TTLL12: variants seen among roughly 807,000 people sequenced by gnomAD.
The protein encoded by TTLL12 is tubulin tyrosine ligase like 12.
TTLL12 carries 77 observed loss-of-function variants against 79.6 expected under a neutral mutation model. The observed-to-expected ratio is 0.97, with a 90% CI of 0.81 to 1.17. TTLL12 has a LOEUF of 1.17. TTLL12 is among the 50% of genes most tolerant of loss of function. The probability of loss-of-function intolerance (pLI) is 0.00; values close to 1 mark genes in which losing one functional copy is unlikely to be tolerated. For synonymous variants in TTLL12, 437 were observed against 376.1 expected, an observed-to-expected ratio of 1.16 and a Z score of -1.87; for missense variants, 969 against 895.9, an observed-to-expected ratio of 1.08 and a Z score of -1.04.
In TTLL12 at chr22:43,185,275, A is replaced by C. The variant is rs923401200; in HGVS notation, c.177+1618T>G. Among the ~76,000 whole-genome samples, 132 of 23,396 alleles carry C rather than the reference A, an allele frequency of 5.6e-3. 34 individuals carry two copies. Among genetic ancestry groups the C allele is most frequent in the Non-Finnish European group, 0.016 (96 of 6,088 alleles). The allele number at this position is 23,396 out of a possible 152,430, so 15.3% of individuals were successfully genotyped here. A position where few individuals can be genotyped will look rare whatever the true frequency, so the allele number is the denominator to read the frequency against. On this transcript the variant is annotated intron_variant, in intron 1 of 13. Coordinates refer to ENST00000216129, the MANE Select transcript of TTLL12 (RefSeq NM_015140.4). ...TATATATATATATATATATATATATATATATATATATATATATATATATAT... is the reference window on the plus strand; with the variant it reads ...TATATATATATATATATATATATATCTATATATATATATATATATATATAT...
At chr22:43,173,860 G>A in intron 8 of TTLL12, 34 bp from the exon 9 acceptor site, 1 of 1,577,540 alleles carries the variant, frequency 6.3e-7, no homozygotes, top group Non-Finnish European at 8.6e-7. Flanking sequence ...GGGGGCGCCT[G>A]GGGCCTGTGT....
intron 11 of TTLL12, chr22:43,170,385 G>T (rs538024591): frequency 7.6e-4 from 129 of 170,750 alleles, no homozygotes; most frequent in Middle Eastern, 2.7e-3. Context: ...AGTCACCAGT[G>T]CATGGCAGGG....
chr22:43,176,490 G>C, intron 5 of TTLL12, 94 bp from the exon 6 acceptor site: 1 of 1,031,156 alleles, frequency 9.7e-7, no homozygotes. Context: ...AGCACTTTGA[G>C]AGGGTGAGGC....
At chr22:43,172,624 C>T (rs1300285739) in intron 9 of TTLL12, 70 bp from the exon 10 acceptor site, 1 of 1,576,808 alleles carries the variant, frequency 6.3e-7, no homozygotes, top group Non-Finnish European at 8.7e-7. Flanking sequence ...GCACACAAAG[C>T]CACGCAGGGG....
intron 1 of TTLL12, among the ~76,000 whole-genome samples, chr22:43,185,059 C>T (rs2146626750): frequency 6.6e-6 from 1 of 151,844 alleles, no homozygotes; most frequent in East Asian, 1.9e-4. Context: ...GAAGCCCCAT[C>T]TCTACTAAAA....
At chr22:43,180,299 G>A (rs1200405002) in intron 3 of TTLL12, among the ~76,000 whole-genome samples, 1 of 152,174 alleles carries the variant, frequency 6.6e-6, no homozygotes, top group East Asian at 1.9e-4. Context: ...TAATGGGGGG[G>A]TCGGGGGAGT....
rs1470002077 is a variant in TTLL12 at position 43,168,834 on chromosome 22, G to T, written c.1723C>A (p.Pro575Thr). 1.9e-6 allele frequency: 3 copies of T among 1,599,630 alleles called. No individual in the cohort carries two copies. Among genetic ancestry groups the T allele is most frequent in the Non-Finnish European group, 2.6e-6 (3 of 1,173,654 alleles). ...ACGGCATACATGGCCCGGGATGAGGGGTAGTCGCAGAGGCCCAGGGGTGGT... is the reference window on the plus strand; with the variant it reads ...ACGGCATACATGGCCCGGGATGAGGTGTAGTCGCAGAGGCCCAGGGGTGGT... ...KPPPLGLCDYPSSRAMYAVDL... is the reference protein window; with the variant it reads ...KPPPLGLCDYTSSRAMYAVDL... The change falls in exon 13 of 14, where the codon CCC becomes ACC. Residue 575 changes from proline to threonine, a missense_variant. Physicochemically the swap from Pro to Thr is conservative, Grantham distance 38. Transcript: ENST00000216129.
rs886996040 is a variant in TTLL12 at position 43,172,659 on chromosome 22, C to T, written c.1342-105G>A. The T allele has an allele frequency of 3.2e-6, 4 of 1,252,762 alleles. No individual in the cohort carries two copies. The African/African-American group carries it at 4.5e-5, about 14-fold the overall frequency. 77.6% of individuals were successfully genotyped at this position (1,252,762 alleles called of 1,614,324 possible). ...GGCACAGACATGGCTGCACTTTACT[C>T]CTCCTTCTGCCTTTTCAAACCTGCC... On this transcript the variant is annotated intron_variant, in intron 9 of 13. Coordinates refer to ENST00000216129, the MANE Select transcript of TTLL12 (RefSeq NM_015140.4).
intron 2 of TTLL12, among the ~76,000 whole-genome samples, chr22:43,182,569 T>C (rs1569487125): frequency 6.6e-6 from 1 of 152,186 alleles, no homozygotes; most frequent in Non-Finnish European, 1.5e-5. Context: ...CCAGGCCTGC[T>C]CTGGGTCTCA....
In TTLL12 at chr22:43,168,728, G is replaced by A; in HGVS notation, c.1783+46C>T. The A allele has an allele frequency of 1.9e-6, 3 of 1,543,716 alleles. No homozygotes were observed. The South Asian group carries it at 3.6e-5, about 18-fold the overall frequency. ...CTCCAGGCTGTGGCTGGCTGGCGGAGGGGGCGCCTGCTGGTTTGGATCAGG... is the reference window on the plus strand; with the variant it reads ...CTCCAGGCTGTGGCTGGCTGGCGGAAGGGGCGCCTGCTGGTTTGGATCAGG... On this transcript the variant is annotated intron_variant, in intron 13 of 13. Coordinates refer to ENST00000216129, the MANE Select transcript of TTLL12 (RefSeq NM_015140.4).
chr22:43,179,633 CG>C lies in TTLL12; in HGVS notation c.825del (p.Ala276ProfsTer81), dbSNP rs1424302434. The C allele has an allele frequency of 1.8e-5, 28 of 1,582,610 alleles. No individual in the cohort carries two copies. The highest frequency in any genetic ancestry group is 3.6e-5 in the Admixed American group (2 of 54,822). On this transcript the variant is annotated frameshift_variant, in exon 5 of 14. Transcript: ENST00000216129. LOFTEE classifies it high-confidence loss of function. ...LDLSSCTPEP[P>X]AEHYQAILEE... ...GAGGGCTGCACCTGGTAGTGCTCGGCGGGCGGCTCGGGTGTGCAAGAGCTGA... is the reference window on the plus strand; with the variant it reads ...GAGGGCTGCACCTGGTAGTGCTCGGCGGCGGCTCGGGTGTGCAAGAGCTGA...
rs767459538 is a variant in TTLL12 at position 43,176,355 on chromosome 22, G to A, written c.882C>T (p.Ile294=). 7.5e-6 allele frequency: 12 copies of A among 1,605,088 alleles called. No individual in the cohort carries two copies. In the African/African-American group the frequency reaches 1.6e-4, roughly 21 times the overall value. Residue 294 remains isoleucine (I), a synonymous_variant, in exon 6 of 14, where the codon ATC becomes ATT. Transcript: ENST00000216129. ...GGCCGTGGGGGTGCACCACGGGGTT[G>A]ATGTCAAGTGGCAGCTTCTCCTTGT... is the stretch of plus-strand genomic sequence containing the variant. ...EENKEKLPLD[I]NPVVHPHGHI...
intron 9 of TTLL12, 140 bp from the exon 10 acceptor site, chr22:43,172,694 G>T: frequency 1.1e-6 from 1 of 876,330 alleles, no homozygotes; most frequent in Non-Finnish European, 1.7e-6. Flanking sequence ...CTAAGTTGCT[G>T]CAAAGTCTTT....
Position 43,168,784 on chromosome 22 carries a change from G to A in TTLL12, c.1773C>T (p.Asn591=), listed in dbSNP as rs34490661. ...GGGAGCCCCTCTTACCATCTGGGCC[G>A]TTGTCCCACTTCAGCATGAGGTCGA... ...YAVDLMLKWD[N]GPDGRRVMQP... is the part of the protein sequence containing the mutation. Residue 591 remains asparagine (N), a synonymous_variant, in exon 13 of 14, where the codon AAC becomes AAT. Coordinates refer to ENST00000216129, the MANE Select transcript of TTLL12 (RefSeq NM_015140.4). The A allele has an allele frequency of 2.6e-5, 40 of 1,560,822 alleles. 1 individual carries two copies. Among genetic ancestry groups the A allele is most frequent in the South Asian group, 1.3e-4 (11 of 84,832 alleles).
Position 43,180,750 on chromosome 22 carries a change from C to T in TTLL12, c.538G>A (p.Ala180Thr). ...CCCAGCTACCCACTCACCCCATGGGCCAGCTGGTAGGTCTGGTTGAACTTC... is the reference window on the plus strand; with the variant it reads ...CCCAGCTACCCACTCACCCCATGGGTCAGCTGGTAGGTCTGGTTGAACTTC... Reference protein sequence around the residue: ...MWKFNQTYQLAHGTAEEKMPV... With the variant: ...MWKFNQTYQLTHGTAEEKMPV... Residue 180 changes from alanine (A) to threonine (T), a missense_variant, in exon 3 of 14, where the codon GCC becomes ACC. Coordinates refer to ENST00000216129, the MANE Select transcript of TTLL12 (RefSeq NM_015140.4). 6.2e-7 allele frequency: 1 copy of T among 1,613,002 alleles called. No homozygotes were observed. The highest frequency in any genetic ancestry group is 2.2e-5 in the East Asian group (1 of 44,884).
chr22:43,171,533 A>C, intron 11 of TTLL12: 5 of 317,956 alleles, frequency 1.6e-5, no homozygotes, highest in Non-Finnish European at 2.4e-5. Context: ...CCGGCTGGGA[A>C]CACACTGTCT....
At chr22:43,176,753 A>G (rs894088256) in intron 5 of TTLL12, among the ~76,000 whole-genome samples, 3 of 135,798 alleles carry the variant, frequency 2.2e-5, no homozygotes, top group Non-Finnish European at 3.2e-5. Flanking sequence ...AAAAAAAAAA[A>G]GGAAAAGAAG....
intron 5 of TTLL12, among the ~76,000 whole-genome samples, chr22:43,179,111 C>G (rs1244378959): frequency 6.6e-6 from 1 of 152,212 alleles, no homozygotes; most frequent in Non-Finnish European, 1.5e-5. Flanking sequence ...TTGTATGGGG[C>G]CTGGATGAGC....
intron 6 of TTLL12, chr22:43,175,573 G>C (rs1931884300): frequency 6.6e-6 from 1 of 152,236 alleles, no homozygotes; most frequent in African/African-American, 2.4e-5. Context: ...GGGTGGGATG[G>C]GGACCAGTGG....
Sources: gnomAD v4.1 joint callset for allele counts (sites outside exome capture counted in the v4.1 genomes callset) on GRCh38, gnomAD v4.1.1 for gene constraint, MANE v1.5 for transcripts, NCBI Gene and HGNC (gene_info 2026-07-23, HGNC 2026-07-21) for gene names.